IGSF11: variants seen among roughly 807,000 people sequenced by gnomAD.
IGSF11 encodes the protein CXADR like 1.
IGSF11 carries 22 observed loss-of-function variants against 41.0 expected under a neutral mutation model. That is an observed-to-expected ratio of 0.54 (90% CI 0.38 to 0.77). The LOEUF is 0.77. Among genes scored for constraint, IGSF11 ranks in the 30% least tolerant of loss-of-function variants. IGSF11 has a pLI of 0.00. For synonymous variants in IGSF11, 219 were observed against 201.3 expected, an observed-to-expected ratio of 1.09 and a Z score of -0.74; for missense variants, 444 against 530.8, an observed-to-expected ratio of 0.84 and a Z score of 1.61.
At chr3:119,057,699 A>C (rs931154270) in intron 1 of IGSF11, among the ~76,000 whole-genome samples, 2 of 152,252 alleles carry the variant, frequency 1.3e-5, no homozygotes, top group Non-Finnish European at 2.9e-5. Context: ...AGCTGCAGGC[A>C]TCACGCTACC....
chr3:119,141,884 A>G (rs1426758676), intron 1 of IGSF11, among the ~76,000 whole-genome samples: 1 of 152,110 alleles, frequency 6.6e-6, no homozygotes, highest in Non-Finnish European at 1.5e-5. Flanking sequence ...ACCTGCTGGC[A>G]TCTGGGTAAA....
At chr3:118,968,869 A>G (rs1273118026) in intron 1 of IGSF11, among the ~76,000 whole-genome samples, 1 of 152,242 alleles carries the variant, frequency 6.6e-6, no homozygotes, top group Non-Finnish European at 1.5e-5. Context: ...GGAACAGTGC[A>G]TCCACCCACT....
At chr3:118,977,625 G>C (rs569004169) in intron 1 of IGSF11, among the ~76,000 whole-genome samples, 2 of 152,296 alleles carry the variant, frequency 1.3e-5, no homozygotes. Context: ...GCTCAGCAGG[G>C]ATCATCTTGG....
At chr3:118,980,601 C>T (rs113085904) in intron 1 of IGSF11, among the ~76,000 whole-genome samples, 2 of 152,034 alleles carry the variant, frequency 1.3e-5, no homozygotes, top group African/African-American at 4.8e-5. Flanking sequence ...GGAATATGTT[C>T]GAATGTTTGA....
chr3:119,120,449 A>G (rs2077316962), intron 1 of IGSF11, among the ~76,000 whole-genome samples: 2 of 152,198 alleles, frequency 1.3e-5, no homozygotes, highest in Admixed American at 6.5e-5. Flanking sequence ...GGAAGGTTTA[A>G]TAGGCAAAAA....
intron 1 of IGSF11, among the ~76,000 whole-genome samples, chr3:119,028,512 G>C (rs1308735723): frequency 6.6e-6 from 1 of 152,052 alleles, no homozygotes. Flanking sequence ...ACATGAAAAT[G>C]GTAAACTTCA....
chr3:118,992,968 A>G (rs1935927420), intron 1 of IGSF11, among the ~76,000 whole-genome samples: 1 of 152,194 alleles, frequency 6.6e-6, no homozygotes, highest in African/African-American at 2.4e-5. Flanking sequence ...CATCACATCT[A>G]GAATACCAGC....
At chr3:119,120,516 G>T (rs147862715) in intron 1 of IGSF11, among the ~76,000 whole-genome samples, 59 of 152,318 alleles carry the variant, frequency 3.9e-4, no homozygotes, top group African/African-American at 1.4e-3. Flanking sequence ...CCAAGAAAAG[G>T]TCTCTGGTTT....
chr3:119,141,042 TAAAAAAAA>T (rs35323898), intron 1 of IGSF11, among the ~76,000 whole-genome samples: 1 of 99,782 alleles, frequency 1.0e-5, no homozygotes, highest in South Asian at 3.7e-4. Context: ...TCTGTCTCAT[TAAAAAAAA>T]AAAAAAAAAA....
At chr3:118,967,495 T>G (rs181940432) in intron 1 of IGSF11, among the ~76,000 whole-genome samples, 2 of 152,282 alleles carry the variant, frequency 1.3e-5, no homozygotes, top group East Asian at 3.9e-4. Flanking sequence ...CATAAGCATT[T>G]CTAATGGAGC....
intron 1 of IGSF11, among the ~76,000 whole-genome samples, chr3:119,093,173 T>C (rs1186477061): frequency 6.6e-6 from 1 of 152,192 alleles, no homozygotes; most frequent in Non-Finnish European, 1.5e-5. Flanking sequence ...TATCGAACAA[T>C]GCACACCCTG....
At chr3:118,984,257 C>A (rs1325997049) in intron 1 of IGSF11, among the ~76,000 whole-genome samples, 1 of 151,828 alleles carries the variant, frequency 6.6e-6, no homozygotes, top group Non-Finnish European at 1.5e-5. Flanking sequence ...AAAAGCAAAG[C>A]CGTCAGAAGG....
intron 1 of IGSF11, among the ~76,000 whole-genome samples, chr3:119,084,291 C>T (rs1163677982): frequency 2.0e-5 from 3 of 152,090 alleles, no homozygotes; most frequent in Non-Finnish European, 4.4e-5. Context: ...CTGGGAATCT[C>T]GTGTGGGGTG....
intron 1 of IGSF11, among the ~76,000 whole-genome samples, chr3:119,090,152 C>T (rs1020643890): frequency 6.6e-6 from 1 of 152,012 alleles, no homozygotes. Context: ...ATAATAGCCA[C>T]AAAGAAAATG....
chr3:118,904,830 A>G (rs1576316632), intron 5 of IGSF11, 32 bp from the exon 6 acceptor site: 2 of 1,552,358 alleles, frequency 1.3e-6, no homozygotes, highest in East Asian at 4.5e-5. Context: ...TATTTAAAGA[A>G]AAGAGAAAGA....
intron 4 of IGSF11, among the ~76,000 whole-genome samples, chr3:118,925,720 T>A (rs1942231194): frequency 6.6e-6 from 1 of 152,090 alleles, no homozygotes; most frequent in South Asian, 2.1e-4. Flanking sequence ...GGATCAACCC[T>A]CCTGACACTA....
At chr3:119,054,151 A>AAAGAT (rs1378912216) in intron 1 of IGSF11, among the ~76,000 whole-genome samples, 4 of 152,332 alleles carry the variant, frequency 2.6e-5, no homozygotes, top group African/African-American at 9.6e-5. Context: ...GCAAAAAGTC[A>AAAGAT]AAGATAAATA....
intron 1 of IGSF11, among the ~76,000 whole-genome samples, chr3:119,029,695 A>G (rs1940215997): frequency 6.6e-6 from 1 of 152,174 alleles, no homozygotes; most frequent in Non-Finnish European, 1.5e-5. Context: ...TTTGGGCAAA[A>G]GTGAGTATAG....
intron 1 of IGSF11, among the ~76,000 whole-genome samples, chr3:118,989,034 C>A (rs961475892): frequency 6.6e-6 from 1 of 152,162 alleles, no homozygotes; most frequent in Non-Finnish European, 1.5e-5. Flanking sequence ...GGTAATAAGA[C>A]CAATGCTACC....
Sources: allele counts gnomAD v4.1 joint callset (sites outside exome capture counted in the v4.1 genomes callset), GRCh38; gene constraint gnomAD v4.1.1; transcripts MANE v1.5; gene names NCBI Gene and HGNC (gene_info 2026-07-23, HGNC 2026-07-21).